Variants in TRIM14 observed in about 807,000 individuals in gnomAD.
TRIM14 encodes the protein tripartite motif containing 14.
A neutral mutation model predicts 44.5 loss-of-function variants in TRIM14; 28 were observed. The ratio of observed to expected loss-of-function variants is 0.63; its 90% CI spans 0.47 to 0.86. TRIM14 has a LOEUF of 0.86. Among genes scored for constraint, TRIM14 ranks in the 40% least tolerant of loss-of-function variants. The probability of loss-of-function intolerance (pLI) is 0.00; values close to 1 mark genes in which losing one functional copy is unlikely to be tolerated. For synonymous variants in TRIM14, 299 were observed against 269.2 expected (o/e 1.11, Z -1.08); for missense variants, 607 against 611.1 (o/e 0.99, Z 0.07).
rs1257322623 is a variant in TRIM14 at position 98,100,078 on chromosome 9, C to A, written c.390G>T (p.Lys130Asn). 1 of 1,614,200 alleles carries A rather than the reference C, an allele frequency of 6.2e-7. No individual in the cohort carries two copies. ...GCTGCGTGTTTTTATCAATGAATTT[C>A]TTGGCCAGCGCTTCCTCTTCGTCAA... is the stretch of plus-strand genomic sequence containing the variant. ...LLLDEEEALAKKFIDKNTQLT... is the reference protein window; with the variant it reads ...LLLDEEEALANKFIDKNTQLT... The change falls in exon 3 of 6, where the codon AAG (lysine) becomes AAT (asparagine). Residue 130 changes from lysine (K) to asparagine (N), a missense_variant. Lys to Asn is a moderately conservative substitution (Grantham distance 94, BLOSUM62 0). This residue lies in a region of TRIM14 where 246 missense variants were observed against 270.8 expected (regional missense o/e 0.91). Transcript: ENST00000341469.
chr9:98,056,634 A>C, the TRIM14 span: 2 of 969,540 alleles, frequency 2.1e-6, no homozygotes, highest in Non-Finnish European at 2.9e-6. Flanking sequence ...CCCCGCCCCG[A>C]TTGGCTGTCG....
At position 98,087,992 on chromosome 9, in the gene TRIM14, G is replaced by C; in HGVS notation, c.807C>G (p.Pro269=). 6.5e-7 allele frequency: 1 copy of C among 1,547,488 alleles called. No homozygotes were observed. The highest frequency in any genetic ancestry group is 8.6e-7 in the Non-Finnish European group (1 of 1,159,266). ...RSLLLKYART[P]TLDPDTMHAR... ...CGTGCATCGTGTCAGGATCCAGCGT[G>C]GGCGTGCGCGCGTCTGCAGGGGGCG... The change falls in exon 6 of 6, where the codon CCC becomes CCG. Residue 269 remains proline, a synonymous_variant. Coordinates refer to ENST00000341469, the MANE Select transcript of TRIM14 (RefSeq NM_014788.4).
the TRIM14 span, among the ~76,000 whole-genome samples, chr9:98,045,473 T>C: frequency 1.3e-5 from 2 of 152,222 alleles, no homozygotes; most frequent in African/African-American, 2.4e-5. Context: ...TGTAGCCAAC[T>C]GTTTGAACTG....
intron 2 of TRIM14, among the ~76,000 whole-genome samples, chr9:98,101,427 A>ATT (rs796209312): frequency 1.0e-4 from 15 of 143,758 alleles, no homozygotes; most frequent in Admixed American, 2.1e-4. Context: ...ATAGCTATCA[A>ATT]TTTTTTTTTT....
intron 6 of TRIM14, among the ~76,000 whole-genome samples, chr9:98,070,610 G>A (rs1829297505): frequency 6.6e-6 from 1 of 151,606 alleles, no homozygotes; most frequent in Non-Finnish European, 1.5e-5. Flanking sequence ...TAGTAGAGAT[G>A]AGGTTTTACC....
chr9:98,077,128 CTT>C (rs1829628979), intron 6 of TRIM14: 1 of 822,570 alleles, frequency 1.2e-6, no homozygotes, highest in Non-Finnish European at 1.9e-6. Flanking sequence ...ATTTTAGCCT[CTT>C]TTCATTTTTT....
intron 1 of TRIM14, among the ~76,000 whole-genome samples, chr9:98,116,563 G>A (rs529484170): frequency 1.3e-5 from 2 of 152,020 alleles, no homozygotes; most frequent in South Asian, 2.1e-4. Flanking sequence ...CAGGCCAGGC[G>A]TGGTGTTTCA....
the TRIM14 span, among the ~76,000 whole-genome samples, chr9:98,056,581 G>C: frequency 6.6e-6 from 1 of 152,008 alleles, no homozygotes; most frequent in African/African-American, 2.4e-5. Context: ...GAGCTTCCTC[G>C]ACCCGCCCCG....
intron 1 of TRIM14, among the ~76,000 whole-genome samples, chr9:98,112,522 A>T (rs10985099): frequency 6.6e-6 from 1 of 151,930 alleles, no homozygotes; most frequent in African/African-American, 2.4e-5. Context: ...AGGAAATGGC[A>T]GGGTGTGGTG....
chr9:98,065,483 A>ATTTTTTTTTTTTTTTTTTTTT (rs397837187), downstream of TRIM14, among the ~76,000 whole-genome samples: 13 of 58,632 alleles, frequency 2.2e-4, 1 homozygote, highest in Admixed American at 5.3e-4. Flanking sequence ...TGCCCAGCTA[A>ATTTTTTTTTTTTTTTTTTTTT]TTTTTTTTTT....
At chr9:98,089,389 CTGGTCT>C (rs1564174092) in intron 5 of TRIM14, among the ~76,000 whole-genome samples, 1 of 152,144 alleles carries the variant, frequency 6.6e-6, no homozygotes, top group Non-Finnish European at 1.5e-5. Context: ...GTTGGCCAGG[CTGGTCT>C]TGATCTCCTG....
Position 98,094,877 on chromosome 9 carries a change from G to A in TRIM14, c.690C>T (p.Arg230=). Residue 230 remains arginine (R), a synonymous_variant, in exon 4 of 6, where the codon CGC becomes CGT. Coordinates refer to ENST00000341469, the MANE Select transcript of TRIM14 (RefSeq NM_014788.4). ...ESTLQTPLDI[R]LKESINCQLS... ...CACTCGGCGACTTACTTTCCTTAAG[G>A]CGAATGTCCAATGGCGTCTGTAATG... 6.2e-7 allele frequency: 1 copy of A among 1,613,816 alleles called. No homozygotes were observed. Among genetic ancestry groups the A allele is most frequent in the Non-Finnish European group, 8.5e-7 (1 of 1,179,838 alleles).
At chr9:98,101,512 G>A (rs142674232) in intron 2 of TRIM14, among the ~76,000 whole-genome samples, 2,178 of 150,588 alleles carry the variant, frequency 0.014, 51 homozygotes, top group African/African-American at 0.051. Context: ...TGCAACCTCC[G>A]CTTCCCGGGT....
In TRIM14 at chr9:98,084,998, C is replaced by T. The variant is rs192701630; in HGVS notation, c.*2472G>A. The T allele has an allele frequency of 9.9e-5, 15 of 152,270 alleles. No individual in the cohort carries two copies. The highest frequency in any genetic ancestry group is 2.6e-4 in the African/African-American group (11 of 41,534). The allele number at this position is 152,270 out of a possible 1,614,324, so 9.4% of individuals were successfully genotyped here. A position where few individuals can be genotyped will look rare whatever the true frequency, so the allele number is the denominator to read the frequency against. ...CACAATTGATATGGACTGAAACTGCCGCTTTCTGGCTATCACGGGCCTTGA... is the reference window on the plus strand; with the variant it reads ...CACAATTGATATGGACTGAAACTGCTGCTTTCTGGCTATCACGGGCCTTGA... On this transcript the variant is annotated 3_prime_UTR_variant, in exon 6 of 6. Coordinates refer to ENST00000341469, the MANE Select transcript of TRIM14 (RefSeq NM_014788.4).
intron 1 of TRIM14, chr9:98,110,251 C>A: frequency 2.4e-6 from 1 of 421,980 alleles, no homozygotes; most frequent in East Asian, 4.5e-5. Context: ...CAAGTCTTGC[C>A]TGTGACTTGC....
In TRIM14 at chr9:98,095,027, T is replaced by A; in HGVS notation, c.540A>T (p.Ala180=). ...QEPDPVQRLQ[A]YTATEQEMQQ... is the part of the protein sequence containing the mutation. ...GCATCTCCTGCTCGGTGGCCGTGTA[T>A]GCCTGTGTGGGCACACGGGGGTGAG... Residue 180 remains alanine (A), a splice_region_variant and synonymous_variant, in exon 4 of 6, where the codon GCA becomes GCT. Coordinates refer to ENST00000341469, the MANE Select transcript of TRIM14 (RefSeq NM_014788.4). This position sits in a 1 kb window ranked among gnomAD's most constrained non-coding sequence, Gnocchi z 4.1. 1 of 1,612,806 alleles carries A rather than the reference T, an allele frequency of 6.2e-7. No individual in the cohort carries two copies.
chr9:98,071,962 G>A (rs1008199462), intron 6 of TRIM14, among the ~76,000 whole-genome samples: 4 of 152,204 alleles, frequency 2.6e-5, no homozygotes, highest in East Asian at 1.9e-4. Context: ...TTGAGAACCC[G>A]GAGCAGTTGG....
intron 3 of TRIM14, among the ~76,000 whole-genome samples, chr9:98,099,442 A>C: frequency 6.8e-6 from 1 of 148,144 alleles, no homozygotes; most frequent in East Asian, 2.0e-4. Flanking sequence ...ACAAGAGAGA[A>C]ACTCCATCTC....
At chr9:98,056,746 A>AGGCGGC in the TRIM14 span, 321 of 1,567,786 alleles carry the variant, frequency 2.0e-4, no homozygotes, top group African/African-American at 1.8e-3. Flanking sequence ...AACAGAGTAG[A>AGGCGGC]GGCGGCGGCG....
Sources: gnomAD v4.1 joint callset for allele counts (sites outside exome capture counted in the v4.1 genomes callset) on GRCh38, gnomAD v4.1.1 for gene constraint, gnomAD v4.1.1 regional missense constraint, Gnocchi (gnomAD v3.1) non-coding constraint, MANE v1.5 for transcripts, NCBI Gene and HGNC (gene_info 2026-07-23, HGNC 2026-07-21) for gene names.